The following SPATA7 variants were observed in gnomAD, a reference collection of about 807,000 sequenced individuals.
The protein encoded by SPATA7 is spermatogenesis associated 7.
SPATA7 carries 43 observed loss-of-function variants against 51.8 expected under a neutral mutation model. The observed-to-expected ratio is 0.83, with a 90% confidence interval of 0.65 to 1.07. The LOEUF is 1.07. SPATA7 is among the 50% of genes least tolerant of loss of function. SPATA7 has a pLI of 0.00. For synonymous variants in SPATA7, 230 were observed against 252.8 expected, an observed-to-expected ratio of 0.91 and a Z score of 0.86; for missense variants, 683 against 701.3, an observed-to-expected ratio of 0.97 and a Z score of 0.30.
At chr14:88,470,170 T>A in exon 5 of SPATA7, 2 of 851,760 alleles carry the variant, frequency 2.3e-6, no homozygotes, top group Non-Finnish European at 3.6e-6. Context: ...AAAAAAGTAG[T>A]AAACTGGATT....
chr14:88,386,598 TGGGGTTG>T (rs1031358361), intron 1 of SPATA7, among the ~76,000 whole-genome samples: 28 of 152,260 alleles, frequency 1.8e-4, no homozygotes, highest in Non-Finnish European at 2.5e-4. Context: ...CATCATGTGG[TGGGGTTG>T]GGGGTGGGGA....
intron 4 of SPATA7, among the ~76,000 whole-genome samples, chr14:88,407,136 AT>A (rs2076221340): frequency 6.6e-6 from 1 of 152,182 alleles, no homozygotes; most frequent in Non-Finnish European, 1.5e-5. Context: ...ATACCCAGTA[AT>A]GGGATTCCTG....
downstream of SPATA7, among the ~76,000 whole-genome samples, chr14:88,455,669 C>CTT (rs200175072): frequency 2.7e-5 from 4 of 147,098 alleles, no homozygotes; most frequent in Admixed American, 2.7e-4. Flanking sequence ...CATAAAATTG[C>CTT]TTTTTTTTTT....
In SPATA7 at chr14:88,431,175, A is replaced by C; in HGVS notation, c.1032A>C (p.Ala344=). Reference sequence around the variant, plus strand: ...TACTTTAACTTCCTCTTTCTAGGGCAATGTGTCAGTATTCCCTGAAGCCCC... The same window carrying C: ...TACTTTAACTTCCTCTTTCTAGGGCCATGTGTCAGTATTCCCTGAAGCCCC... The part of the protein sequence containing the change: ...DDALQHSSPR[A]MCQYSLKPPS... Residue 344 remains alanine, a synonymous_variant, in exon 9 of 12, where the codon GCA becomes GCC. Transcript: ENST00000393545. The C allele has an allele frequency of 1.2e-6, 2 of 1,613,642 alleles. No homozygotes were observed. Among genetic ancestry groups the C allele is most frequent in the Non-Finnish European group, 1.7e-6 (2 of 1,179,662 alleles).
chr14:88,393,606 G>C, intron 3 of SPATA7, 118 bp downstream of exon 3: 2 of 831,590 alleles, frequency 2.4e-6, no homozygotes, highest in South Asian at 1.6e-5. Context: ...ATTTGTATTT[G>C]TTTGGTTTAG....
intron 5 of SPATA7, among the ~76,000 whole-genome samples, chr14:88,418,023 G>A (rs2076534339): frequency 6.6e-6 from 1 of 152,098 alleles, no homozygotes; most frequent in Non-Finnish European, 1.5e-5. Context: ...ATTTATGTAG[G>A]AAGTTGTTCA....
chr14:88,386,128 G>T, intron 1 of SPATA7: 5 of 1,073,574 alleles, frequency 4.7e-6, no homozygotes, highest in Non-Finnish European at 6.4e-6. Context: ...GTAGCTCCCA[G>T]GCAGAGGAAC....
chr14:88,465,572 C>G (rs1004979275), intron 4 of SPATA7, among the ~76,000 whole-genome samples: 6 of 152,164 alleles, frequency 3.9e-5, no homozygotes, highest in Admixed American at 2.0e-4. Context: ...ACCAGAGATA[C>G]CAAAATTGAT....
At chr14:88,437,653 GGTTT>G in intron 11 of SPATA7, 56 bp downstream of exon 11, 1 of 1,465,436 alleles carries the variant, frequency 6.8e-7, no homozygotes, top group Non-Finnish European at 9.4e-7. Flanking sequence ...ATAATTGTAT[GGTTT>G]TTTTCATACC....
chr14:88,405,642 G>A (rs1362652441), intron 4 of SPATA7, among the ~76,000 whole-genome samples: 1 of 152,190 alleles, frequency 6.6e-6, no homozygotes, highest in Non-Finnish European at 1.5e-5. Context: ...TCAGCCAAAA[G>A]GATGGAGTTA....
At position 88,385,717 on chromosome 14, in the gene SPATA7, G is replaced by C. The variant is rs910040505; in HGVS notation, c.-102G>C. ...TTTCCCTGCTGCTGCAGCCCCCGTC[G>C]GCTCCTCTTTTCCAGTCCTCCACTG... On this transcript the variant is annotated 5_prime_UTR_variant, in exon 1 of 12. Coordinates refer to ENST00000393545, the MANE Select transcript of SPATA7 (RefSeq NM_018418.5). 118 of 1,153,634 alleles carry C rather than the reference G, an allele frequency of 1.0e-4. No homozygotes were observed. Among genetic ancestry groups the C allele is most frequent in the Non-Finnish European group, 1.5e-4 (116 of 784,236 alleles). 71.5% of individuals were successfully genotyped at this position (1,153,634 alleles called of 1,614,324 possible).
intron 4 of SPATA7, among the ~76,000 whole-genome samples, chr14:88,404,341 A>T (rs1431079147): frequency 6.6e-6 from 1 of 152,188 alleles, no homozygotes; most frequent in Non-Finnish European, 1.5e-5. Context: ...TCCAAAATTA[A>T]CCTACATATA....
intron 8 of SPATA7, 30 bp from the exon 9 acceptor site, chr14:88,431,142 T>C (rs771869237): frequency 6.2e-7 from 1 of 1,606,738 alleles, no homozygotes; most frequent in Non-Finnish European, 8.5e-7. Flanking sequence ...ACCACTGTTT[T>C]GCTCAACTAC....
At chr14:88,459,526 G>A (rs372474713), downstream of SPATA7, among the ~76,000 whole-genome samples, 2 of 152,140 alleles carry the variant, frequency 1.3e-5, no homozygotes, top group African/African-American at 4.8e-5. Context: ...TTTTATCAGA[G>A]ACTAGGATTG....
intron 9 of SPATA7, 52 bp from the exon 10 acceptor site, chr14:88,433,083 T>C (rs2076982931): frequency 7.1e-7 from 1 of 1,406,774 alleles, no homozygotes; most frequent in South Asian, 1.2e-5. Flanking sequence ...CTTACAGTTT[T>C]CAGAATAAGT....
chr14:88,468,358 G>GGAGGTTA (rs2077398853), intron 4 of SPATA7: 3 of 1,281,900 alleles, frequency 2.3e-6, no homozygotes, highest in Admixed American at 2.5e-5. Flanking sequence ...AAACCTGGTT[G>GGAGGTTA]GGAGATGGAC....
chr14:88,405,253 T>A (rs1248389376), intron 4 of SPATA7, among the ~76,000 whole-genome samples: 1 of 152,168 alleles, frequency 6.6e-6, no homozygotes, highest in Non-Finnish European at 1.5e-5. Flanking sequence ...GTCACTGAGA[T>A]GGGACAGAGG....
intron 4 of SPATA7, chr14:88,466,290 T>C (rs1296088404): frequency 6.6e-6 from 1 of 152,186 alleles, no homozygotes; most frequent in Non-Finnish European, 1.5e-5. Flanking sequence ...ATGTAAAATT[T>C]TAATTTTGTT....
At chr14:88,397,999 G>A (rs1224334325) in intron 4 of SPATA7, among the ~76,000 whole-genome samples, 1 of 151,722 alleles carries the variant, frequency 6.6e-6, no homozygotes, top group Non-Finnish European at 1.5e-5. Flanking sequence ...GGAGAATGGC[G>A]TGAACCCGGG....
Sources: gnomAD v4.1 joint callset for allele counts (sites outside exome capture counted in the v4.1 genomes callset) on GRCh38, gnomAD v4.1.1 for gene constraint, MANE v1.5 for transcripts, NCBI Gene and HGNC (gene_info 2026-07-23, HGNC 2026-07-21) for gene names.